The following CTNNA2 variants were observed in gnomAD, a reference collection of about 807,000 sequenced individuals.
CTNNA2 encodes catenin alpha 2.
CTNNA2 carries 42 observed loss-of-function variants against 101.0 expected under a neutral mutation model. That is an observed-to-expected ratio of 0.42 (90% CI 0.32 to 0.54). The LOEUF is 0.54. Ranked by LOEUF, CTNNA2 falls within the 20% of genes least tolerant of loss-of-function variation. The pLI, the probability that CTNNA2 is intolerant of heterozygous loss-of-function variation, is 0.14. For synonymous variants in CTNNA2, 450 were observed against 456.4 expected (o/e 0.99, Z 0.18); for missense variants, 871 against 1,223.1 (o/e 0.71, Z 4.29).
intron 7 of CTNNA2, among the ~76,000 whole-genome samples, chr2:80,356,415 G>T (rs1297418769): frequency 6.6e-6 from 1 of 152,096 alleles, no homozygotes; most frequent in East Asian, 1.9e-4. Context: ...TAGCCTCTCT[G>T]GAACTCAGTT....
At chr2:80,088,469 A>G (rs1699583611) in intron 7 of CTNNA2, among the ~76,000 whole-genome samples, 1 of 152,062 alleles carries the variant, frequency 6.6e-6, no homozygotes, top group Non-Finnish European at 1.5e-5. Flanking sequence ...ATGACTAAAT[A>G]CTATGGGTTT....
intron 4 of CTNNA2, among the ~76,000 whole-genome samples, chr2:79,476,427 C>A (rs542118675): frequency 5.3e-5 from 8 of 152,272 alleles, no homozygotes; most frequent in Non-Finnish European, 1.2e-4. Flanking sequence ...CTTCTAAGAA[C>A]CATTAACCTA....
rs574169313 is a variant in CTNNA2, at chr2:79,468,101, A to G, written c.-134-36953A>G. ...AGACTAGCAAATTAGATAAAGAGTC[A>G]AGACCCATCAGTGTGCTGTATTCAG... On this transcript the variant is annotated intron_variant, in intron 4 of 21. Coordinates refer to the CTNNA2 transcript ENST00000466387. 2.6e-5 allele frequency among the ~76,000 whole-genome samples: 4 copies of G among 152,344 alleles called. No homozygotes were observed. In the South Asian group the frequency reaches 8.3e-4, roughly 32 times the overall value.
At chr2:80,334,222 G>C (rs192158373) in intron 7 of CTNNA2, among the ~76,000 whole-genome samples, 1 of 152,076 alleles carries the variant, frequency 6.6e-6, no homozygotes, top group Admixed American at 6.5e-5. Context: ...GATCTTTCTC[G>C]TCCACTCTTG....
At position 80,648,449 on chromosome 2, in the gene CTNNA2, TTC is replaced by T. The variant is rs1573566780; in HGVS notation, c.*579_*580del. 6.6e-6 allele frequency: 1 copy of T among 152,608 alleles called. No homozygotes were observed. The highest frequency in any genetic ancestry group is 1.9e-4 in the East Asian group (1 of 5,188). The allele number at this position is 152,608 out of a possible 1,614,324, so 9.5% of individuals were successfully genotyped here. ...CCTAAAATGCTTCTTTTAATCTGCA[TTC>T]TGTTTCCTCTTCTAGTTGTGCCATT... On this transcript the variant is annotated 3_prime_UTR_variant, in exon 19 of 19. Transcript: ENST00000402739.
chr2:79,292,414 C>A (rs1193131309), intron 2 of CTNNA2, among the ~76,000 whole-genome samples: 1 of 152,208 alleles, frequency 6.6e-6, no homozygotes, highest in African/African-American at 2.4e-5. Flanking sequence ...GGCTGATTTT[C>A]TTTCCAAGGC....
intron 18 of CTNNA2, among the ~76,000 whole-genome samples, chr2:80,630,611 T>G (rs1245739964): frequency 2.0e-5 from 3 of 152,102 alleles, no homozygotes; most frequent in Non-Finnish European, 4.4e-5. Flanking sequence ...CACTCCAGCC[T>G]GGCAACGGAG....
chr2:80,288,391 A>C (rs1410556262), intron 7 of CTNNA2: 1 of 152,074 alleles, frequency 6.6e-6, no homozygotes, highest in African/African-American at 2.4e-5. Context: ...TATTTACCAC[A>C]CTCATACTTT....
At chr2:79,678,510 G>A (rs1683338882) in intron 2 of CTNNA2, among the ~76,000 whole-genome samples, 1 of 151,038 alleles carries the variant, frequency 6.6e-6, no homozygotes, top group Non-Finnish European at 1.5e-5. Flanking sequence ...ACTCCAGCCT[G>A]GGTGACAGAG....
chr2:80,165,879 T>TTACAGCCTCA (rs1704658240), intron 7 of CTNNA2, among the ~76,000 whole-genome samples: 1 of 152,188 alleles, frequency 6.6e-6, no homozygotes, highest in African/African-American at 2.4e-5. Context: ...GAACATGTCA[T>TTACAGCCTCA]TACAGCCTCA....
intron 2 of CTNNA2, among the ~76,000 whole-genome samples, chr2:79,249,918 G>A (rs765718973): frequency 6.6e-5 from 10 of 151,982 alleles, no homozygotes; most frequent in Non-Finnish European, 1.3e-4. Flanking sequence ...CCCCATCCTG[G>A]GTCTTCTGAT....
chr2:80,574,037 A>T, intron 12 of CTNNA2, 126 bp from the exon 13 acceptor site: 2 of 908,526 alleles, frequency 2.2e-6, no homozygotes, highest in Non-Finnish European at 3.4e-6. Context: ...TTCAAACTGG[A>T]CAGATGAGTG....
chr2:79,690,659 G>T (rs1684230502), intron 2 of CTNNA2, among the ~76,000 whole-genome samples: 1 of 151,972 alleles, frequency 6.6e-6, no homozygotes, highest in Non-Finnish European at 1.5e-5. Flanking sequence ...CCATTTTGCA[G>T]ATGAGAAAGG....
At chr2:79,745,461 A>C (rs1041584190) in intron 3 of CTNNA2, among the ~76,000 whole-genome samples, 1 of 151,874 alleles carries the variant, frequency 6.6e-6, no homozygotes, top group Non-Finnish European at 1.5e-5. Context: ...AAAAAGAAAA[A>C]AGTCTTAACT....
chr2:79,312,691 C>CTT (rs1004944402), intron 2 of CTNNA2: 1 of 152,184 alleles, frequency 6.6e-6, no homozygotes, highest in African/African-American at 2.4e-5. Context: ...AAATAATACT[C>CTT]TTGACCTTCA....
At chr2:80,319,317 G>A (rs747894395) in intron 7 of CTNNA2, among the ~76,000 whole-genome samples, 2 of 149,952 alleles carry the variant, frequency 1.3e-5, no homozygotes, top group African/African-American at 5.0e-5. Context: ...GTTTTTTTTT[G>A]TTGTTGTTGT....
chr2:79,507,508 G>GCT (rs1558685811), intron 5 of CTNNA2, among the ~76,000 whole-genome samples: 1 of 152,028 alleles, frequency 6.6e-6, no homozygotes, highest in East Asian at 1.9e-4. Flanking sequence ...CAGCAAGAAC[G>GCT]CTCTCACCAT....
At chr2:79,967,113 C>A (rs903205349) in intron 7 of CTNNA2, among the ~76,000 whole-genome samples, 1 of 49,420 alleles carries the variant, frequency 2.0e-5, no homozygotes, top group Non-Finnish European at 4.3e-5. Flanking sequence ...CACACGCGCA[C>A]GCACGTGTGT....
intron 9 of CTNNA2, among the ~76,000 whole-genome samples, chr2:80,460,468 C>G (rs1277733607): frequency 1.3e-5 from 2 of 152,076 alleles, no homozygotes; most frequent in Non-Finnish European, 2.9e-5. Context: ...GTGACATAGG[C>G]TTTAAGAAAA....
Sources: gnomAD v4.1 joint callset for allele counts (sites outside exome capture counted in the v4.1 genomes callset) on GRCh38, gnomAD v4.1.1 for gene constraint, MANE v1.5 for transcripts, NCBI Gene and HGNC (gene_info 2026-07-23, HGNC 2026-07-21) for gene names.